The following COX15 variants were observed in gnomAD, a reference collection of about 807,000 sequenced individuals.
COX15 encodes the protein cytochrome c oxidase assembly factor COX15, also known as heme A synthase COX15.
Under a neutral mutation model 51.9 loss-of-function variants are expected in COX15, and 51 were observed. That is an observed-to-expected ratio of 0.98 (90% confidence interval 0.78 to 1.24). The LOEUF (loss-of-function observed/expected upper bound fraction) is 1.24. COX15 is among the 50% of genes most tolerant of loss of function. The pLI is 0.00. For synonymous variants in COX15, 188 were observed against 190.5 expected (o/e 0.99, Z 0.11); for missense variants, 420 against 501.1 (o/e 0.84, Z 1.55).
At position 99,726,960 on chromosome 10, in the gene COX15, A is replaced by T. The variant is rs1174382204; in HGVS notation, c.582+8T>A. On this transcript the variant is annotated splice_region_variant and intron_variant, in intron 4 of 8. Coordinates refer to ENST00000016171, the MANE Select transcript of COX15 (RefSeq NM_078470.6). ...ATTTCTGGTTTCTCAACCTTGAATA[A>T]ATCTTACCTGGAAGCAGACGAGGCC... is the stretch of plus-strand genomic sequence containing the variant. The T allele has an allele frequency of 2.5e-6, 4 of 1,613,440 alleles. No individual in the cohort carries two copies. Among genetic ancestry groups the T allele is most frequent in the Non-Finnish European group, 3.4e-6 (4 of 1,179,976 alleles).
the COX15 span, chr10:99,698,967 T>A: frequency 1.9e-6 from 2 of 1,039,240 alleles, no homozygotes; most frequent in Non-Finnish European, 2.7e-6. Flanking sequence ...ATCTCACTTG[T>A]TCTTTGCAGG....
the COX15 span, chr10:99,695,897 A>C: frequency 1.3e-6 from 2 of 1,533,944 alleles, no homozygotes; most frequent in East Asian, 4.6e-5. Flanking sequence ...GCAATGTCAT[A>C]GCTTTCTAGA....
chr10:99,727,277 A>C, intron 3 of COX15, 123 bp from the exon 4 acceptor site: 1 of 1,425,672 alleles, frequency 7.0e-7, no homozygotes, highest in Non-Finnish European at 9.7e-7. Context: ...CCTCTTCCTC[A>C]TCAACGACCT....
chr10:99,698,670 G>T, the COX15 span: 1 of 1,614,192 alleles, frequency 6.2e-7, no homozygotes, highest in African/African-American at 1.3e-5. Context: ...GGTGTCTTGT[G>T]GGGCAATGCT....
In COX15 at chr10:99,713,184, T is replaced by C. The variant is rs1185545590; in HGVS notation, c.*1403A>G. On this transcript the variant is annotated 3_prime_UTR_variant, in exon 9 of 9. Transcript: ENST00000016171. ...TGTTATCATATAATAACAACATGAA[T>C]ACTACTTGGTTCATATTGAACCTGA... The C allele has an allele frequency of 1.2e-5, 17 of 1,376,740 alleles. No homozygotes were observed. The highest frequency in any genetic ancestry group is 1.3e-5 in the Non-Finnish European group (14 of 1,058,020). The allele number at this position is 1,376,740 out of a possible 1,614,324, so 85.3% of individuals were successfully genotyped here. A position where few individuals can be genotyped will look rare whatever the true frequency, so the allele number is the denominator to read the frequency against.
intron 7 of COX15, among the ~76,000 whole-genome samples, chr10:99,717,681 C>CCCA (rs2036620079): frequency 6.6e-6 from 1 of 152,154 alleles, no homozygotes; most frequent in South Asian, 2.1e-4. Context: ...AGCCACCATG[C>CCCA]CCAGCCTCTC....
chr10:99,707,279 T>C (rs2036271943), downstream of COX15, among the ~76,000 whole-genome samples: 1 of 152,186 alleles, frequency 6.6e-6, no homozygotes, highest in Non-Finnish European at 1.5e-5. Context: ...AAGGAAAATT[T>C]TGTCATATCC....
At chr10:99,704,645 G>GAGGT in the COX15 span, 1 of 1,614,050 alleles carries the variant, frequency 6.2e-7, no homozygotes, top group African/African-American at 1.3e-5. Context: ...GTGGCTTGAA[G>GAGGT]AGGTGGTGCC....
At chr10:99,719,635 T>A (rs368096464) in intron 6 of COX15, among the ~76,000 whole-genome samples, 1 of 151,656 alleles carries the variant, frequency 6.6e-6, no homozygotes, top group African/African-American at 2.4e-5. Context: ...AGACTACAGG[T>A]GAATACCACC....
chr10:99,716,048 G>A (rs1479894673), intron 8 of COX15, among the ~76,000 whole-genome samples: 1 of 148,202 alleles, frequency 6.7e-6, no homozygotes, highest in Non-Finnish European at 1.5e-5. Flanking sequence ...CTGGGGTGCA[G>A]CGGTGCGATC....
At chr10:99,701,149 C>T in the COX15 span, 1 of 1,128,766 alleles carries the variant, frequency 8.9e-7, no homozygotes, top group South Asian at 1.3e-5. Flanking sequence ...GATTAGATTT[C>T]ATGTTGAGGG....
chr10:99,710,956 CTATT>C lies in COX15; in HGVS notation c.*3627_*3630del, dbSNP rs1359824677. The C allele has an allele frequency of 1.6e-5, 16 of 985,160 alleles. No individual in the cohort carries two copies. The highest frequency in any genetic ancestry group is 1.9e-5 in the Non-Finnish European group (16 of 829,838). 61.0% of individuals were successfully genotyped at this position (985,160 alleles called of 1,614,324 possible). Reference sequence around the variant, plus strand: ...GACCTTTGAAAATATTAAGGGAAATCTATTTAATCCTATAGGTATGTGATGACTT... The same window carrying C: ...GACCTTTGAAAATATTAAGGGAAATCTAATCCTATAGGTATGTGATGACTT... On this transcript the variant is annotated 3_prime_UTR_variant, in exon 9 of 9. Coordinates refer to ENST00000016171, the MANE Select transcript of COX15 (RefSeq NM_078470.6).
chr10:99,718,289 C>T, intron 7 of COX15, 57 bp downstream of exon 7: 1 of 1,603,128 alleles, frequency 6.2e-7, no homozygotes, highest in Non-Finnish European at 8.5e-7. Flanking sequence ...CACTGACACC[C>T]CAAAGCCTAT....
the COX15 span, among the ~76,000 whole-genome samples, chr10:99,694,728 A>C: frequency 4.6e-5 from 7 of 151,640 alleles, no homozygotes; most frequent in African/African-American, 1.5e-4. Flanking sequence ...GTAGAGACGG[A>C]GTTTCACCAT....
chr10:99,723,144 T>A (rs931084043), intron 5 of COX15: 2 of 152,258 alleles, frequency 1.3e-5, no homozygotes, highest in Non-Finnish European at 2.9e-5. Flanking sequence ...AATATAAGAC[T>A]CTTTTTTTTT....
chr10:99,705,919 A>G (rs1323677908), downstream of COX15: 1 of 152,158 alleles, frequency 6.6e-6, no homozygotes, highest in African/African-American at 2.4e-5. Context: ...TCTCCTCCAC[A>G]TTTAGCCATT....
chr10:99,698,861 A>G, the COX15 span: 2 of 1,586,042 alleles, frequency 1.3e-6, no homozygotes, highest in South Asian at 1.2e-5. Context: ...CTGCTCAGGT[A>G]AATTATTAAT....
At position 99,713,673 on chromosome 10, in the gene COX15, A is replaced by G; in HGVS notation, c.*914T>C. 1 of 848,870 alleles carries G rather than the reference A, an allele frequency of 1.2e-6. No individual in the cohort carries two copies. Among genetic ancestry groups the G allele is most frequent in the Non-Finnish European group, 1.8e-6 (1 of 568,032 alleles). 52.6% of individuals were successfully genotyped at this position (848,870 alleles called of 1,614,324 possible). A position where few individuals can be genotyped will look rare whatever the true frequency, so the allele number is the denominator to read the frequency against. ...CTGACCTTGTAATGTTAACAGCCTT[A>G]TCAAAAGAGGAACTAGCTGGGCGTG... On this transcript the variant is annotated 3_prime_UTR_variant, in exon 9 of 9. Transcript: ENST00000016171.
intron 7 of COX15, among the ~76,000 whole-genome samples, chr10:99,717,996 C>G (rs189616052): frequency 3.3e-5 from 5 of 152,162 alleles, no homozygotes; most frequent in Non-Finnish European, 7.4e-5. Flanking sequence ...CTATGGTCTC[C>G]GCATTCGCTT....
Sources: allele counts gnomAD v4.1 joint callset (sites outside exome capture counted in the v4.1 genomes callset), GRCh38; gene constraint gnomAD v4.1.1; transcripts MANE v1.5; gene names NCBI Gene and HGNC (gene_info 2026-07-23, HGNC 2026-07-21).